MOB4: variants seen among roughly 807,000 people sequenced by gnomAD.
MOB4 encodes the protein MOB-like protein phocein.
Under a neutral mutation model 32.2 loss-of-function variants are expected in MOB4, and 4 were observed. That is an observed-to-expected ratio of 0.12 (90% CI 0.06 to 0.28). MOB4 has a LOEUF of 0.28. Ranked by LOEUF, MOB4 falls within the 10% of genes least tolerant of loss-of-function variation. MOB4 has a pLI of 1.00. For synonymous variants in MOB4, 88 were observed against 88.1 expected, an observed-to-expected ratio of 1.00 and a Z score of 0.01; for missense variants, 158 against 271.2, an observed-to-expected ratio of 0.58 and a Z score of 2.93.
rs143551638 is a variant in MOB4 at position 197,538,876 on chromosome 2, A to G, written c.225-1235A>G. Among the ~76,000 whole-genome samples, 233 of 152,300 alleles carry G rather than the reference A, an allele frequency of 1.5e-3. 1 individual carries two copies. The highest frequency in any genetic ancestry group is 5.3e-3 in the African/African-American group (222 of 41,572). On this transcript the variant is annotated intron_variant, in intron 3 of 7. Transcript: ENST00000323303. ...AGGGTGATACGGTGATTTAGAAATA[A>G]TGTTATTTTTGTAATCTAAGGACAG...
intron 2 of MOB4, among the ~76,000 whole-genome samples, chr2:197,531,641 C>T (rs1027869619): frequency 6.6e-6 from 1 of 152,108 alleles, no homozygotes; most frequent in African/African-American, 2.4e-5. Flanking sequence ...TCTTGGCTCA[C>T]TGCAACCTCT....
chr2:197,531,667 G>A (rs1004521673), intron 2 of MOB4, among the ~76,000 whole-genome samples: 4 of 151,972 alleles, frequency 2.6e-5, no homozygotes, highest in Admixed American at 1.3e-4. Flanking sequence ...CCGGGTTCAA[G>A]TGATTCTACT....
chr2:197,537,941 A>G (rs1443616605), intron 3 of MOB4, among the ~76,000 whole-genome samples: 2 of 151,906 alleles, frequency 1.3e-5, no homozygotes, highest in African/African-American at 2.4e-5. Flanking sequence ...CACCATGCCC[A>G]GCTAATTTTT....
At chr2:197,547,672 C>T (rs1574655242) in intron 5 of MOB4, among the ~76,000 whole-genome samples, 1 of 152,132 alleles carries the variant, frequency 6.6e-6, no homozygotes, top group Non-Finnish European at 1.5e-5. Flanking sequence ...TTACTCCTTC[C>T]TCTAGTTGTT....
chr2:197,536,886 G>C (rs56067932), intron 3 of MOB4, among the ~76,000 whole-genome samples: 1 of 151,502 alleles, frequency 6.6e-6, no homozygotes, highest in East Asian at 1.9e-4. Flanking sequence ...GTGAGCCACC[G>C]TGCCTGACTT....
At chr2:197,524,223 G>A (rs575184561) in intron 2 of MOB4, among the ~76,000 whole-genome samples, 1 of 152,154 alleles carries the variant, frequency 6.6e-6, no homozygotes, top group Admixed American at 6.5e-5. Flanking sequence ...GACAGAGTGA[G>A]ATCTTGTATC....
chr2:197,530,987 A>G (rs939279118), intron 2 of MOB4, among the ~76,000 whole-genome samples: 4 of 151,398 alleles, frequency 2.6e-5, no homozygotes, highest in African/African-American at 4.8e-5. Flanking sequence ...CTTTTTTTAA[A>G]TTGTGGCAAT....
At chr2:197,529,045 A>C (rs1221380814) in intron 2 of MOB4, among the ~76,000 whole-genome samples, 4 of 148,712 alleles carry the variant, frequency 2.7e-5, no homozygotes, top group African/African-American at 9.9e-5. Flanking sequence ...CACTGAGTTT[A>C]AGCAATTCTC....
intron 5 of MOB4, 96 bp downstream of exon 5, chr2:197,540,533 T>C (rs1354265551): frequency 1.7e-6 from 2 of 1,172,438 alleles, no homozygotes; most frequent in African/African-American, 1.6e-5. Flanking sequence ...TTTAGTTCAC[T>C]GTTCATTTTG....
At chr2:197,535,497 TTTAA>T (rs2086782202) in intron 2 of MOB4, 29 bp from the exon 3 acceptor site, 2 of 1,559,774 alleles carry the variant, frequency 1.3e-6, no homozygotes, top group Non-Finnish European at 8.7e-7. Context: ...GGTGATATAA[TTTAA>T]TTAACCATAA....
chr2:197,548,868 A>G (rs1387194040), intron 6 of MOB4, among the ~76,000 whole-genome samples: 1 of 152,010 alleles, frequency 6.6e-6, no homozygotes, highest in Non-Finnish European at 1.5e-5. Context: ...TGGGATATGT[A>G]TATACTTGCT....
intron 2 of MOB4, among the ~76,000 whole-genome samples, chr2:197,526,531 C>G (rs771489290): frequency 1.3e-5 from 2 of 152,014 alleles, no homozygotes; most frequent in African/African-American, 2.4e-5. Flanking sequence ...TTGGCCAGGC[C>G]GGTCTTGAAC....
chr2:197,540,427 C>T lies in MOB4; in HGVS notation c.344C>T (p.Thr115Ile). Residue 115 changes from threonine to isoleucine, a missense_variant, in exon 5 of 8, where the codon ACT (threonine) becomes ATT (isoleucine). By Grantham distance (89) the Thr-to-Ile change is moderately conservative. Coordinates refer to ENST00000323303, the MANE Select transcript of MOB4 (RefSeq NM_015387.5). ...ATTTTTCTTTGTGCAGCTCATAAAA[C>T]TCCAAAAGAGGTGAGGATTTATGAA... ...QWIFLCAAHK[T>I]PKECPAIDYT... 1 of 1,581,430 alleles carries T rather than the reference C, an allele frequency of 6.3e-7. No individual in the cohort carries two copies. The highest frequency in any genetic ancestry group is 8.6e-7 in the Non-Finnish European group (1 of 1,169,274).
chr2:197,532,507 G>A (rs1008107826), intron 2 of MOB4, among the ~76,000 whole-genome samples: 3 of 151,590 alleles, frequency 2.0e-5, no homozygotes, highest in South Asian at 2.1e-4. Context: ...TAGCCTAGGC[G>A]GTCTTGAATT....
rs1399605599 is a variant in MOB4, at chr2:197,552,259, T to C, written c.*1613T>C. The C allele has an allele frequency of 6.6e-6, 1 of 152,328 alleles. No individual in the cohort carries two copies. Among genetic ancestry groups the C allele is most frequent in the Non-Finnish European group, 1.5e-5 (1 of 68,032 alleles). The allele number at this position is 152,328 out of a possible 1,614,324, so 9.4% of individuals were successfully genotyped here. A position where few individuals can be genotyped will look rare whatever the true frequency, so the allele number is the denominator to read the frequency against. ...TCTTAGTTCACAGTGAAAGGAATGA[T>C]GACTTTGAAATTATGGATTTATATT... On this transcript the variant is annotated 3_prime_UTR_variant, in exon 8 of 8. Coordinates refer to ENST00000323303, the MANE Select transcript of MOB4 (RefSeq NM_015387.5).
chr2:197,522,248 T>C lies in MOB4; in HGVS notation c.61-1376T>C, dbSNP rs555206218. Among the ~76,000 whole-genome samples, 22 of 152,096 alleles carry C rather than the reference T, an allele frequency of 1.4e-4. No individual in the cohort carries two copies. In the South Asian group the frequency reaches 4.4e-3, roughly 30 times the overall value. Reference sequence around the variant, plus strand: ...TGTACAATTAAATTGGTTTTTACTATAGTCACCCTATTGTGCTAGCAAATA... The same window carrying C: ...TGTACAATTAAATTGGTTTTTACTACAGTCACCCTATTGTGCTAGCAAATA... On this transcript the variant is annotated intron_variant, in intron 1 of 7. Coordinates refer to ENST00000323303, the MANE Select transcript of MOB4 (RefSeq NM_015387.5).
intron 6 of MOB4, among the ~76,000 whole-genome samples, chr2:197,548,663 T>A (rs2087040610): frequency 6.6e-6 from 1 of 152,092 alleles, no homozygotes; most frequent in African/African-American, 2.4e-5. Context: ...AAAAGTAAAA[T>A]TAGGTTGCTC....
At chr2:197,515,944 G>T (rs1041058971), upstream of MOB4, 4 of 816,592 alleles carry the variant, frequency 4.9e-6, no homozygotes, top group Middle Eastern at 2.8e-4. Flanking sequence ...GCTTCTACCC[G>T]GACGGCTCCC....
intron 2 of MOB4, among the ~76,000 whole-genome samples, chr2:197,531,751 G>A (rs147343172): frequency 9.7e-4 from 147 of 151,962 alleles, no homozygotes; most frequent in African/African-American, 3.4e-3. Flanking sequence ...TACCCTATTG[G>A]CCAGGCTGGT....
Sources: gnomAD v4.1 joint callset for allele counts (sites outside exome capture counted in the v4.1 genomes callset) on GRCh38, gnomAD v4.1.1 for gene constraint, MANE v1.5 for transcripts, NCBI Gene and HGNC (gene_info 2026-07-23, HGNC 2026-07-21) for gene names.